The following CASP6 variants were observed in gnomAD, a reference collection of about 807,000 sequenced individuals.
CASP6 encodes the protein caspase 6, also known as caspase-6.
Under a neutral mutation model 31.8 loss-of-function variants are expected in CASP6, and 20 were observed. The ratio of observed to expected loss-of-function variants is 0.63; its 90% CI spans 0.44 to 0.91. The LOEUF is 0.91. Among genes scored for constraint, CASP6 ranks in the 40% least tolerant of loss-of-function variants. The pLI is 0.00. For synonymous variants in CASP6, 130 were observed against 127.8 expected, an observed-to-expected ratio of 1.02 and a Z score of -0.12; for missense variants, 328 against 361.1, an observed-to-expected ratio of 0.91 and a Z score of 0.74.
chr4:109,664,978 A>G, the CASP6 span, among the ~76,000 whole-genome samples: 1 of 152,172 alleles, frequency 6.6e-6, no homozygotes. Flanking sequence ...AAGCAGTTTT[A>G]GGTTCAAAGC....
chr4:109,708,262 T>C (rs547480684), upstream of CASP6, among the ~76,000 whole-genome samples: 33 of 152,348 alleles, frequency 2.2e-4, no homozygotes, highest in African/African-American at 7.7e-4. Context: ...ACTGTCTTAG[T>C]AACTTATCCT....
intron 3 of CASP6, 37 bp from the exon 4 acceptor site, chr4:109,696,523 T>C: frequency 7.0e-7 from 1 of 1,422,650 alleles, no homozygotes; most frequent in Non-Finnish European, 9.8e-7. Context: ...GCCTATAAAC[T>C]TTTCAAAGTT....
the CASP6 span, among the ~76,000 whole-genome samples, chr4:109,674,940 G>A: frequency 1.3e-5 from 2 of 152,148 alleles, no homozygotes; most frequent in African/African-American, 2.4e-5. Flanking sequence ...AATGACTTAC[G>A]AGCAAGCTGG....
chr4:109,705,102 A>G (rs1464910344), upstream of CASP6, among the ~76,000 whole-genome samples: 1 of 152,232 alleles, frequency 6.6e-6, no homozygotes. Context: ...GCCTGTCTTC[A>G]AAGCTTCAAA....
the CASP6 span, among the ~76,000 whole-genome samples, chr4:109,709,671 T>C: frequency 6.6e-6 from 1 of 152,332 alleles, no homozygotes; most frequent in East Asian, 1.9e-4. Context: ...GTGGAACTTA[T>C]TAAAACTGAA....
the CASP6 span, among the ~76,000 whole-genome samples, chr4:109,681,279 G>A: frequency 2.0e-5 from 3 of 152,190 alleles, no homozygotes; most frequent in Non-Finnish European, 2.9e-5. Context: ...AAAGGTCCTT[G>A]AGTCTCTGGG....
the CASP6 span, chr4:109,674,168 C>T: frequency 5.9e-5 from 55 of 931,924 alleles, no homozygotes; most frequent in East Asian, 2.4e-4. Flanking sequence ...TTTAGTTAGA[C>T]GTCTCATTAT....
At chr4:109,693,425 C>T (rs1273485968) in intron 5 of CASP6, among the ~76,000 whole-genome samples, 4 of 152,178 alleles carry the variant, frequency 2.6e-5, no homozygotes, top group African/African-American at 7.2e-5. Flanking sequence ...CAGTGGCTCA[C>T]GCCTGTAATC....
chr4:109,691,302 T>A lies in CASP6; in HGVS notation c.484-293A>T, dbSNP rs917994342. On this transcript the variant is annotated intron_variant, in intron 5 of 6. Coordinates refer to ENST00000265164, the MANE Select transcript of CASP6 (RefSeq NM_001226.4). ...AGGAAAAAGCTTGTGGTTTTAAAAT[T>A]TCTTACAGATTAACCACACCCAGGG... Among the ~76,000 whole-genome samples the A allele has an allele frequency of 7.2e-5, 11 of 152,224 alleles. 1 individual carries two copies. The highest frequency in any genetic ancestry group is 5.2e-4 in the Admixed American group (8 of 15,276).
rs1387042116 is a variant in CASP6 at position 109,697,684 on chromosome 4, A to G, written c.168T>C (p.Phe56=). The G allele has an allele frequency of 2.5e-6, 4 of 1,613,954 alleles. No individual in the cohort carries two copies. The Admixed American group carries it at 5.0e-5, about 20-fold the overall frequency. Residue 56 remains phenylalanine (F), a synonymous_variant, in exon 3 of 7, where the codon TTT becomes TTC. Coordinates refer to ENST00000265164, the MANE Select transcript of CASP6 (RefSeq NM_001226.4). ...GCCTTTCTGGCAGTGTTAAGTGCCA[A>G]AAGAACCTCTCATGATTGAAGATTA... ...IALIFNHERF[F]WHLTLPERRG...
At position 109,689,111 on chromosome 4, in the gene CASP6, G is replaced by A. The variant is rs1729941498; in HGVS notation, c.*219C>T. 4.9e-6 allele frequency: 2 copies of A among 408,772 alleles called. No individual in the cohort carries two copies. Among genetic ancestry groups the A allele is most frequent in the Non-Finnish European group, 9.1e-6 (2 of 220,592 alleles). The allele number at this position is 408,772 out of a possible 1,614,324, so 25.3% of individuals were successfully genotyped here. A position where few individuals can be genotyped will look rare whatever the true frequency, so the allele number is the denominator to read the frequency against. On this transcript the variant is annotated 3_prime_UTR_variant, in exon 7 of 7. Transcript: ENST00000265164. ...CTGCCTCAGCCTTCCAAGTAGCTGG[G>A]ATTGCAGGCATGCGCCGCCATGCCT...
At chr4:109,692,555 T>C (rs1202839956) in intron 5 of CASP6, 1 of 152,224 alleles carries the variant, frequency 6.6e-6, no homozygotes, top group Non-Finnish European at 1.5e-5. Flanking sequence ...AACAATCATG[T>C]CATTATTTGT....
chr4:109,679,546 C>T, the CASP6 span, among the ~76,000 whole-genome samples: 3 of 151,838 alleles, frequency 2.0e-5, no homozygotes, highest in African/African-American at 4.8e-5. Context: ...CTCAGCAGGC[C>T]GAGGCAGGGA....
In CASP6 at chr4:109,691,002, C is replaced by G; in HGVS notation, c.491G>C (p.Arg164Pro). The change falls in exon 6 of 7, where the codon CGG becomes CCG. Residue 164 changes from arginine (R) to proline (P), a missense_variant. Arg to Pro is a moderately radical substitution (Grantham distance 103, BLOSUM62 -2). Transcript: ENST00000265164. ...KPKIFIIQAC[R>P]GNQHDVPVIP... The stretch of plus-strand genomic sequence containing the variant: ...GACTGGCACATCGTGCTGGTTTCCC[C>G]GACATGCCTACAAGACAAGGAGGAA... The G allele has an allele frequency of 6.2e-7, 1 of 1,609,976 alleles. No individual in the cohort carries two copies. The highest frequency in any genetic ancestry group is 8.5e-7 in the Non-Finnish European group (1 of 1,178,236).
At chr4:109,675,483 A>G in the CASP6 span, among the ~76,000 whole-genome samples, 1 of 152,244 alleles carries the variant, frequency 6.6e-6, no homozygotes, top group African/African-American at 2.4e-5. Flanking sequence ...CATTTGGATG[A>G]CAACTCTGGT....
the CASP6 span, among the ~76,000 whole-genome samples, chr4:109,670,414 C>T: frequency 2.6e-5 from 4 of 151,978 alleles, no homozygotes; most frequent in African/African-American, 9.7e-5. Flanking sequence ...GTGGACAGTC[C>T]TTGTTAAGAG....
chr4:109,669,576 G>A, the CASP6 span, among the ~76,000 whole-genome samples: 1 of 151,900 alleles, frequency 6.6e-6, no homozygotes, highest in South Asian at 2.1e-4. Context: ...AGTTTGGGGG[G>A]AGTTCTCAGT....
At chr4:109,687,692 G>A, downstream of CASP6, 5 of 731,576 alleles carry the variant, frequency 6.8e-6, no homozygotes, top group South Asian at 8.7e-5. Flanking sequence ...TTTAATCTTT[G>A]TTATTAAATT....
intron 5 of CASP6, among the ~76,000 whole-genome samples, chr4:109,693,561 C>T (rs1212696716): frequency 2.6e-5 from 4 of 151,784 alleles, no homozygotes; most frequent in Admixed American, 6.6e-5. Context: ...ATGGCAGGTG[C>T]CTGTAATCCC....
Sources: gnomAD v4.1 joint callset for allele counts (sites outside exome capture counted in the v4.1 genomes callset) on GRCh38, gnomAD v4.1.1 for gene constraint, MANE v1.5 for transcripts, NCBI Gene and HGNC (gene_info 2026-07-23, HGNC 2026-07-21) for gene names.